The following STAG1 variants were observed in gnomAD, a reference collection of about 807,000 sequenced individuals.
The protein encoded by STAG1 is STAG1 cohesin complex component.
STAG1 carries 26 observed loss-of-function variants against 170.9 expected under a neutral mutation model. That is an observed-to-expected ratio of 0.15 (90% CI 0.11 to 0.21). STAG1 has a LOEUF of 0.21. STAG1 is among the 10% of genes least tolerant of loss of function. The pLI, the probability that STAG1 is intolerant of heterozygous loss-of-function variation, is 1.00. For missense variants in STAG1, 964 were observed against 1,509.5 expected, an observed-to-expected ratio of 0.64 and a Z score of 5.99; for synonymous variants, 514 against 497.7, an observed-to-expected ratio of 1.03 and a Z score of -0.44.
chr3:136,357,708 T>C lies in STAG1; in HGVS notation c.3065+12A>G. On this transcript the variant is annotated intron_variant, in intron 28 of 33. Transcript: ENST00000383202. Reference sequence around the variant, plus strand: ...ATTATAAAAACCACTTCTCTTGTAATGTGCAACTTACACTGTCTTTTTGTC... The same window carrying C: ...ATTATAAAAACCACTTCTCTTGTAACGTGCAACTTACACTGTCTTTTTGTC... The C allele has an allele frequency of 2.5e-6, 4 of 1,573,740 alleles. No homozygotes were observed. The highest frequency in any genetic ancestry group is 3.4e-6 in the Non-Finnish European group (4 of 1,169,322).
intron 1 of STAG1, among the ~76,000 whole-genome samples, chr3:136,742,596 T>G (rs1934724327): frequency 6.6e-6 from 1 of 151,702 alleles, no homozygotes; most frequent in African/African-American, 2.4e-5. Flanking sequence ...GCGCCTGTAA[T>G]CCCAGCTACT....
At chr3:136,512,096 T>TAAA (rs35238532) in intron 7 of STAG1, among the ~76,000 whole-genome samples, 878 of 68,296 alleles carry the variant, frequency 0.013, 20 homozygotes, top group Non-Finnish European at 0.018. Context: ...CTCTACAAAA[T>TAAA]AAAAAAAAAA....
chr3:136,526,497 T>A (rs140686411), intron 6 of STAG1, among the ~76,000 whole-genome samples: 1 of 152,196 alleles, frequency 6.6e-6, no homozygotes, highest in Admixed American at 6.5e-5. Context: ...GTCTCTGCAC[T>A]TGAGATGGGT....
At chr3:136,567,511 T>C (rs1188511799) in intron 5 of STAG1, among the ~76,000 whole-genome samples, 1 of 152,228 alleles carries the variant, frequency 6.6e-6, no homozygotes, top group African/African-American at 2.4e-5. Context: ...GAGTTTATTT[T>C]TTGTAGGATA....
At chr3:136,714,246 AC>A (rs1459952066) in intron 1 of STAG1, among the ~76,000 whole-genome samples, 1 of 152,112 alleles carries the variant, frequency 6.6e-6, no homozygotes, top group African/African-American at 2.4e-5. Flanking sequence ...CAAAAACAGA[AC>A]GTCAAACCAC....
intron 1 of STAG1, among the ~76,000 whole-genome samples, chr3:136,706,649 TAC>T (rs1343751245): frequency 3.3e-5 from 5 of 152,208 alleles, no homozygotes; most frequent in Admixed American, 6.6e-5. Flanking sequence ...CAAAACAACG[TAC>T]AGATTCGGTG....
chr3:136,752,004 G>A (rs951673800), intron 1 of STAG1, among the ~76,000 whole-genome samples, 191 bp downstream of exon 1: 1 of 150,810 alleles, frequency 6.6e-6, no homozygotes, highest in Non-Finnish European at 1.5e-5. Flanking sequence ...CACGACCGCC[G>A]CACCCCGCAC....
intron 16 of STAG1, among the ~76,000 whole-genome samples, chr3:136,427,876 A>C (rs189515263): frequency 5.3e-5 from 8 of 152,334 alleles, no homozygotes; most frequent in Non-Finnish European, 8.8e-5. Context: ...TGAAGGTTAC[A>C]AAGCTGAGAA....
intron 22 of STAG1, among the ~76,000 whole-genome samples, chr3:136,383,495 T>A (rs970929516): frequency 1.3e-5 from 2 of 152,170 alleles, no homozygotes; most frequent in African/African-American, 2.4e-5. Context: ...AAAGTAAATA[T>A]GCTTAACTTA....
At chr3:136,751,629 G>A (rs985573190) in intron 1 of STAG1, among the ~76,000 whole-genome samples, 2 of 152,016 alleles carry the variant, frequency 1.3e-5, no homozygotes, top group Admixed American at 6.5e-5. Context: ...CAAGAAGCCT[G>A]GGCCAGCCGC....
At chr3:136,378,625 G>A (rs894572885) in intron 22 of STAG1, among the ~76,000 whole-genome samples, 6 of 152,144 alleles carry the variant, frequency 3.9e-5, no homozygotes, top group Admixed American at 6.6e-5. Flanking sequence ...ACATAATTGT[G>A]CCACTGCATT....
intron 1 of STAG1, among the ~76,000 whole-genome samples, chr3:136,735,907 T>C (rs1268883663): frequency 1.3e-5 from 2 of 152,154 alleles, no homozygotes; most frequent in Admixed American, 6.5e-5. Context: ...AGTGAAAGGT[T>C]GGGGTGGCGT....
chr3:136,702,918 A>C (rs1943123765), intron 1 of STAG1, among the ~76,000 whole-genome samples: 1 of 151,762 alleles, frequency 6.6e-6, no homozygotes, highest in South Asian at 2.1e-4. Flanking sequence ...AAATACAAAA[A>C]TTAGCTGGGC....
chr3:136,630,991 A>T lies in STAG1; in HGVS notation c.-83-10T>A. 8.6e-7 allele frequency: 1 copy of T among 1,157,884 alleles called. No homozygotes were observed. Among genetic ancestry groups the T allele is most frequent in the Non-Finnish European group, 1.2e-6 (1 of 826,366 alleles). The allele number at this position is 1,157,884 out of a possible 1,614,324, so 71.7% of individuals were successfully genotyped here. A position where few individuals can be genotyped will look rare whatever the true frequency, so the allele number is the denominator to read the frequency against. Reference sequence around the variant, plus strand: ...AACCTCAAAGGCAATCCTGTCAATTAAAAAAAAGAAATTATTTTAAAATAA... The same window carrying T: ...AACCTCAAAGGCAATCCTGTCAATTTAAAAAAAGAAATTATTTTAAAATAA... On this transcript the variant is annotated splice_polypyrimidine_tract_variant and intron_variant, in intron 1 of 33. Transcript: ENST00000383202.
At chr3:136,657,189 C>CTTTT (rs67826395) in intron 1 of STAG1, among the ~76,000 whole-genome samples, 1,364 of 92,208 alleles carry the variant, frequency 0.015, no homozygotes, top group East Asian at 0.037. Context: ...TTCTTTCTTT[C>CTTTT]TTTTTTTTTT....
At chr3:136,644,220 G>A (rs1000325895) in intron 1 of STAG1, among the ~76,000 whole-genome samples, 3 of 152,048 alleles carry the variant, frequency 2.0e-5, no homozygotes, top group African/African-American at 7.2e-5. Flanking sequence ...ATTTCTAGGT[G>A]GTGAAAAACT....
chr3:136,655,435 C>T (rs1941340904), intron 1 of STAG1, among the ~76,000 whole-genome samples: 1 of 152,150 alleles, frequency 6.6e-6, no homozygotes, highest in South Asian at 2.1e-4. Context: ...AGTAAGATAA[C>T]ACTCATCATC....
chr3:136,502,678 C>A lies in STAG1; in HGVS notation c.778G>T (p.Gly260Trp). The change falls in exon 8 of 34, where the codon GGG becomes TGG. Residue 260 changes from glycine (G) to tryptophan (W), a missense_variant. By Grantham distance (184) the Gly-to-Trp change is radical (BLOSUM62 -2). Transcript: ENST00000383202. ...QYEAERNKMI[G>W]KRANERLELL... ...TCCAACCTTTCATTGGCTCTCTTCC[C>A]AATCATTTTATTTCTCTCGGCTTCA... The A allele has an allele frequency of 6.2e-7, 1 of 1,613,912 alleles. No homozygotes were observed. Among genetic ancestry groups the A allele is most frequent in the Non-Finnish European group, 8.5e-7 (1 of 1,179,948 alleles).
chr3:136,431,047 G>A (rs970963939), intron 16 of STAG1, among the ~76,000 whole-genome samples: 2 of 151,914 alleles, frequency 1.3e-5, no homozygotes, highest in African/African-American at 4.8e-5. Flanking sequence ...GGGATTACAG[G>A]CATGTGCCAC....
Sources: gnomAD v4.1 joint callset for allele counts (sites outside exome capture counted in the v4.1 genomes callset) on GRCh38, gnomAD v4.1.1 for gene constraint, MANE v1.5 for transcripts, NCBI Gene and HGNC (gene_info 2026-07-23, HGNC 2026-07-21) for gene names.